The following RASSF9 variants were observed in gnomAD, a reference collection of about 807,000 sequenced individuals.
The protein encoded by RASSF9 is Ras association domain family member 9.
In RASSF9, 18 loss-of-function variants were observed where a neutral mutation model predicts 21.4. The ratio of observed to expected loss-of-function variants is 0.84; its 90% confidence interval spans 0.58 to 1.25. The LOEUF (loss-of-function observed/expected upper bound fraction) is 1.25. Ranked by LOEUF, RASSF9 falls within the 50% of genes most tolerant of loss-of-function variation. The pLI is 0.00. For synonymous variants in RASSF9, 183 were observed against 179.1 expected (o/e 1.02, Z -0.18); for missense variants, 480 against 503.2 (o/e 0.95, Z 0.44).
rs1252012401 is a variant in RASSF9 at position 85,805,839 on chromosome 12, A to C, written c.171T>G (p.Leu57=). 6.2e-7 allele frequency: 1 copy of C among 1,613,906 alleles called. No homozygotes were observed. The highest frequency in any genetic ancestry group is 2.2e-5 in the East Asian group (1 of 44,868). Residue 57 remains leucine (L), a synonymous_variant, in exon 2 of 2, where the codon CTT becomes CTG. Transcript: ENST00000361228. ...TTSADVIQAL[L]EEHEATFGEK... is the part of the protein sequence containing the mutation. ...CTCCAAACGTAGCCTCATGTTCCTC[A>C]AGCAAAGCCTGGATGACATCAGCAG...
intron 1 of RASSF9, among the ~76,000 whole-genome samples, chr12:85,820,872 G>A (rs921882669): frequency 6.6e-5 from 10 of 152,098 alleles, no homozygotes; most frequent in South Asian, 4.1e-4. Context: ...GAGGCCGGGC[G>A]CGGTGGCTCA....
chr12:85,804,916 T>C lies in RASSF9; in HGVS notation c.1094A>G (p.Asn365Ser). 6 of 1,613,830 alleles carry C rather than the reference T, an allele frequency of 3.7e-6. No individual in the cohort carries two copies. The highest frequency in any genetic ancestry group is 4.5e-5 in the East Asian group (2 of 44,870). Residue 365 changes from asparagine (N) to serine (S), a missense_variant, in exon 2 of 2, where the codon AAT becomes AGT. Transcript: ENST00000361228. Reference protein sequence around the residue: ...KEYELLAKEFNSLHISNKDGC... With the variant: ...KEYELLAKEFSSLHISNKDGC... The stretch of plus-strand genomic sequence containing the variant: ...ATCTTTGTTGCTAATGTGAAGTGAA[T>C]TGAATTCCTTGGCCAGGAGTTCATA...
chr12:85,833,526 T>C (rs979627771), intron 1 of RASSF9, among the ~76,000 whole-genome samples: 2 of 152,054 alleles, frequency 1.3e-5, no homozygotes, highest in South Asian at 2.1e-4. Flanking sequence ...AGCACATTTA[T>C]AGTACTATCT....
In RASSF9 at chr12:85,836,247, A is replaced by AGGGTGG. The variant is rs1880561845; in HGVS notation, c.-52_-47dup. The AGGGTGG allele has an allele frequency of 7.9e-6, 2 of 253,340 alleles. No homozygotes were observed. Among genetic ancestry groups the AGGGTGG allele is most frequent in the Non-Finnish European group, 1.1e-5 (2 of 189,478 alleles). 15.7% of individuals were successfully genotyped at this position (253,340 alleles called of 1,614,324 possible). On this transcript the variant is annotated 5_prime_UTR_variant, in exon 1 of 2. Transcript: ENST00000361228. The stretch of plus-strand genomic sequence containing the variant: ...AAAGAAATTATCTTAAAGTGATCTG[A>AGGGTGG]GGGTGGGGGTGGGGGTGTCTGGATT...
Position 85,804,404 on chromosome 12 carries a change from G to T in RASSF9, c.*298C>A. Reference sequence around the variant, plus strand: ...ATTGCTTTTAAAGTTTATGTAAATCGTTTTCCACAGACGCTAAGGAAGATT... The same window carrying T: ...ATTGCTTTTAAAGTTTATGTAAATCTTTTTCCACAGACGCTAAGGAAGATT... On this transcript the variant is annotated 3_prime_UTR_variant, in exon 2 of 2. Transcript: ENST00000361228. 3.8e-6 allele frequency: 1 copy of T among 266,452 alleles called. No homozygotes were observed. 16.5% of individuals were successfully genotyped at this position (266,452 alleles called of 1,614,324 possible). A position where few individuals can be genotyped will look rare whatever the true frequency, so the allele number is the denominator to read the frequency against.
chr12:85,828,749 C>CG (rs1245755084), intron 1 of RASSF9, among the ~76,000 whole-genome samples: 1 of 152,140 alleles, frequency 6.6e-6, no homozygotes, highest in African/African-American at 2.4e-5. Context: ...ACAAAGTTGA[C>CG]TACTTTGTGG....
At position 85,820,275 on chromosome 12, in the gene RASSF9, T is replaced by G. The variant is rs566144899; in HGVS notation, c.48-14313A>C. Reference sequence around the variant, plus strand: ...GTACATGGCTGTTTTCATGCTGCAATGATGGAGTTGAGCATCTGACAGAGA... The same window carrying G: ...GTACATGGCTGTTTTCATGCTGCAAGGATGGAGTTGAGCATCTGACAGAGA... On this transcript the variant is annotated intron_variant, in intron 1 of 1. Coordinates refer to ENST00000361228, the MANE Select transcript of RASSF9 (RefSeq NM_005447.4). Among the ~76,000 whole-genome samples, 4 of 152,328 alleles carry G rather than the reference T, an allele frequency of 2.6e-5. No homozygotes were observed. In the East Asian group the frequency reaches 7.7e-4, roughly 29 times the overall value.
intron 1 of RASSF9, among the ~76,000 whole-genome samples, chr12:85,826,968 T>C (rs1880348101): frequency 6.6e-6 from 1 of 152,142 alleles, no homozygotes; most frequent in African/African-American, 2.4e-5. Context: ...TTACCTACAA[T>C]ATTCTTTTTC....
At chr12:85,822,365 C>G (rs1013166063) in intron 1 of RASSF9, among the ~76,000 whole-genome samples, 12 of 152,128 alleles carry the variant, frequency 7.9e-5, no homozygotes, top group African/African-American at 2.9e-4. Flanking sequence ...AGGTGAGCCC[C>G]GTTATCCCTG....
At chr12:85,819,484 T>C (rs1880160957) in intron 1 of RASSF9, among the ~76,000 whole-genome samples, 1 of 152,214 alleles carries the variant, frequency 6.6e-6, no homozygotes, top group Non-Finnish European at 1.5e-5. Context: ...AAAATACCAA[T>C]ATTTAATGAA....
At chr12:85,822,960 C>A (rs1161523626) in intron 1 of RASSF9, among the ~76,000 whole-genome samples, 2 of 151,962 alleles carry the variant, frequency 1.3e-5, no homozygotes, top group Non-Finnish European at 2.9e-5. Flanking sequence ...CAGCACTTTG[C>A]GAGCCCGAGG....
chr12:85,825,806 A>G (rs1417156714), intron 1 of RASSF9, among the ~76,000 whole-genome samples: 2 of 152,026 alleles, frequency 1.3e-5, no homozygotes, highest in Admixed American at 6.6e-5. Flanking sequence ...ACACACACAC[A>G]CACACACACC....
chr12:85,828,475 A>T (rs11614924), intron 1 of RASSF9, among the ~76,000 whole-genome samples: 35,407 of 151,964 alleles, frequency 0.23, 4,343 homozygotes, highest in Non-Finnish European at 0.26. Context: ...TCACATAAAT[A>T]TATATATACA....
At chr12:85,833,403 A>T (rs1164577205) in intron 1 of RASSF9, among the ~76,000 whole-genome samples, 1 of 151,870 alleles carries the variant, frequency 6.6e-6, no homozygotes, top group Non-Finnish European at 1.5e-5. Context: ...ATATGACCCC[A>T]CCTTCTCCAA....
At chr12:85,823,663 T>C (rs1394152365) in intron 1 of RASSF9, among the ~76,000 whole-genome samples, 1 of 152,250 alleles carries the variant, frequency 6.6e-6, no homozygotes, top group Non-Finnish European at 1.5e-5. Context: ...AGAAGCCTTG[T>C]ATCTTCTGCT....
chr12:85,805,504 G>A lies in RASSF9; in HGVS notation c.506C>T (p.Ala169Val), dbSNP rs1225624600. 6.2e-6 allele frequency: 10 copies of A among 1,613,858 alleles called. No individual in the cohort carries two copies. The East Asian group carries it at 2.2e-4, about 36-fold the overall frequency. The change falls in exon 2 of 2, where the codon GCT becomes GTT. Residue 169 changes from alanine (A) to valine (V), a missense_variant. Coordinates refer to ENST00000361228, the MANE Select transcript of RASSF9 (RefSeq NM_005447.4). ...AGAAACTGTGTCCTGCTTAATTTTA[G>A]CCAGTTTCCGGAAAGTTTTCCTGAC... Reference protein sequence around the residue: ...RIVRKTFRKLAKIKQDTVSHD... With the variant: ...RIVRKTFRKLVKIKQDTVSHD...
At chr12:85,815,700 G>C (rs116440561) in intron 1 of RASSF9, among the ~76,000 whole-genome samples, 2 of 139,606 alleles carry the variant, frequency 1.4e-5, no homozygotes, top group Non-Finnish European at 3.1e-5. Flanking sequence ...CAGTGATGTC[G>C]ACCTTTAATT....
intron 1 of RASSF9, among the ~76,000 whole-genome samples, chr12:85,807,728 G>A (rs940013612): frequency 2.0e-5 from 3 of 151,810 alleles, no homozygotes; most frequent in African/African-American, 7.3e-5. Context: ...AGAAGGTCAA[G>A]GGGAAAAAAA....
At chr12:85,814,030 C>T (rs1880010440) in intron 1 of RASSF9, among the ~76,000 whole-genome samples, 1 of 151,994 alleles carries the variant, frequency 6.6e-6, no homozygotes, top group South Asian at 2.1e-4. Flanking sequence ...AGACTTCGTG[C>T]TTGAAAATCA....
Sources: allele counts gnomAD v4.1 joint callset (sites outside exome capture counted in the v4.1 genomes callset), GRCh38; gene constraint gnomAD v4.1.1; transcripts MANE v1.5; gene names NCBI Gene and HGNC (gene_info 2026-07-23, HGNC 2026-07-21).